ATAD5: variants seen among roughly 807,000 people sequenced by gnomAD.
The protein encoded by ATAD5 is ATPase family AAA domain containing 5, also known as ATPase family AAA domain-containing protein 5.
Under a neutral mutation model 176.9 loss-of-function variants are expected in ATAD5, and 58 were observed. That is an observed-to-expected ratio of 0.33 (90% CI 0.27 to 0.41). ATAD5 has a LOEUF of 0.41. Ranked by LOEUF, ATAD5 falls within the 10% of genes least tolerant of loss-of-function variation. The probability of loss-of-function intolerance (pLI) is 1.00; values close to 1 mark genes in which losing one functional copy is unlikely to be tolerated. For missense variants in ATAD5, 1,789 were observed against 2,094.1 expected (o/e 0.85, Z 2.84); for synonymous variants, 640 against 712.6 (o/e 0.90, Z 1.62).
At chr17:30,846,964 C>G (rs976792856) in intron 6 of ATAD5, among the ~76,000 whole-genome samples, 4 of 152,084 alleles carry the variant, frequency 2.6e-5, no homozygotes, top group Admixed American at 2.6e-4. Context: ...GGTGATCTGG[C>G]CCCCTCAGCC....
At chr17:30,889,477 GTA>G (rs200413318) in intron 19 of ATAD5, among the ~76,000 whole-genome samples, 4,832 of 150,126 alleles carry the variant, frequency 0.032, 276 homozygotes, top group African/African-American at 0.11. Context: ...TTCTATATGA[GTA>G]TATATATATA....
At position 30,834,834 on chromosome 17, in the gene ATAD5, C is replaced by A; in HGVS notation, c.753C>A (p.Asn251Lys). ...CAAGCCATGCAAACTCTAGAGATAACGTAACTGAAGCAGCCCAGTTAAATG... is the reference window on the plus strand; with the variant it reads ...CAAGCCATGCAAACTCTAGAGATAAAGTAACTGAAGCAGCCCAGTTAAATG... ...NTTSHANSRDNVTEAAQLNDS... is the reference protein window; with the variant it reads ...NTTSHANSRDKVTEAAQLNDS... Residue 251 changes from asparagine to lysine, a missense_variant, in exon 2 of 23, where the codon AAC becomes AAA. Asn to Lys is a moderately conservative substitution (Grantham distance 94). Around this residue, in one of 6 missense-constraint regions of ATAD5, gnomAD observed 696 missense variants for 712.5 expected, o/e 0.98. Transcript: ENST00000321990. 6.2e-7 allele frequency: 1 copy of A among 1,613,516 alleles called. No individual in the cohort carries two copies. The highest frequency in any genetic ancestry group is 8.5e-7 in the Non-Finnish European group (1 of 1,179,756).
At chr17:30,879,401 T>TTGTG (rs529546366) in intron 17 of ATAD5, 22 bp from the exon 18 acceptor site, 12 of 1,352,250 alleles carry the variant, frequency 8.9e-6, no homozygotes, top group Admixed American at 2.1e-5. Flanking sequence ...TTTTTTTTTT[T>TTGTG]TGTGTGTGTG....
intron 18 of ATAD5, 79 bp from the exon 19 acceptor site, chr17:30,887,113 T>C (rs1909365605): frequency 7.8e-7 from 1 of 1,284,784 alleles, no homozygotes; most frequent in Non-Finnish European, 1.0e-6. Flanking sequence ...TTGTCTCACT[T>C]TTAGATACTA....
chr17:30,840,487 G>A, intron 3 of ATAD5, 130 bp from the exon 4 acceptor site: 1 of 618,034 alleles, frequency 1.6e-6, no homozygotes, highest in Non-Finnish European at 2.5e-6. Flanking sequence ...TCAATTTAAG[G>A]CCCCTGGTAA....
rs539645084 is a variant in ATAD5 at position 30,838,441 on chromosome 17, T to A, written c.2076+1127T>A. Among the ~76,000 whole-genome samples the A allele has an allele frequency of 1.2e-4, 18 of 152,330 alleles. 1 individual carries two copies. The South Asian group carries it at 3.7e-3, about 32-fold the overall frequency. On this transcript the variant is annotated intron_variant, in intron 3 of 22. Coordinates refer to ENST00000321990, the MANE Select transcript of ATAD5 (RefSeq NM_024857.5). ...CATCATTAATCTCATAAAGTAAATATTATTTAACCCTTTTTTATAGATGAA... is the reference window on the plus strand; with the variant it reads ...CATCATTAATCTCATAAAGTAAATAATATTTAACCCTTTTTTATAGATGAA...
At chr17:30,850,818 TA>T (rs1213406214) in intron 6 of ATAD5, among the ~76,000 whole-genome samples, 7 of 76,248 alleles carry the variant, frequency 9.2e-5, no homozygotes, top group African/African-American at 5.0e-4. Context: ...AATTATTATT[TA>T]TATTTATATA....
intron 21 of ATAD5, 37 bp downstream of exon 21, chr17:30,894,187 A>T: frequency 6.9e-7 from 1 of 1,457,576 alleles, no homozygotes; most frequent in Non-Finnish European, 9.1e-7. Context: ...TTTTTTGGTA[A>T]TAAATCGTAA....
intron 19 of ATAD5, among the ~76,000 whole-genome samples, chr17:30,890,041 C>T (rs1909544968): frequency 6.6e-6 from 1 of 151,754 alleles, no homozygotes; most frequent in African/African-American, 2.4e-5. Flanking sequence ...CAGGCGTGCA[C>T]CACCACAGCT....
chr17:30,854,518 C>T (rs1012559245), intron 6 of ATAD5, among the ~76,000 whole-genome samples: 1 of 150,682 alleles, frequency 6.6e-6, no homozygotes, highest in Non-Finnish European at 1.5e-5. Context: ...ATTACAGGCA[C>T]CCGCCACCAT....
chr17:30,846,984 G>A (rs981337170), intron 6 of ATAD5, among the ~76,000 whole-genome samples: 1 of 152,068 alleles, frequency 6.6e-6, no homozygotes, highest in African/African-American at 2.4e-5. Flanking sequence ...CTCCCATAGT[G>A]CTGGGATTAC....
intron 17 of ATAD5, among the ~76,000 whole-genome samples, chr17:30,878,327 C>A (rs759669626): frequency 7.9e-5 from 12 of 152,030 alleles, no homozygotes; most frequent in Admixed American, 1.3e-4. Flanking sequence ...GATTCTTCTC[C>A]TGGTGTCCTT....
chr17:30,866,886 TA>T (rs1184503976), intron 11 of ATAD5, among the ~76,000 whole-genome samples: 2 of 152,016 alleles, frequency 1.3e-5, no homozygotes, highest in Non-Finnish European at 2.9e-5. Flanking sequence ...CCATTAGGGG[TA>T]TTATGTAATA....
In ATAD5 at chr17:30,893,478, A is replaced by G. The variant is rs201994597; in HGVS notation, c.4625A>G (p.Lys1542Arg). 1 of 1,613,432 alleles carries G rather than the reference A, an allele frequency of 6.2e-7. No individual in the cohort carries two copies. Among genetic ancestry groups the G allele is most frequent in the African/African-American group, 1.3e-5 (1 of 74,908 alleles). The change falls in exon 21 of 23, where the codon AAA becomes AGA. Residue 1542 changes from lysine (K) to arginine (R), a missense_variant. Coordinates refer to ENST00000321990, the MANE Select transcript of ATAD5 (RefSeq NM_024857.5). ...ACTGTGGATGCCAGTGCAGCAACAAAAAGTATGAATTGTCTTGCTAGGAAA... is the reference window on the plus strand; with the variant it reads ...ACTGTGGATGCCAGTGCAGCAACAAGAAGTATGAATTGTCTTGCTAGGAAA... ...SVTVDASAAT[K>R]SMNCLARKHS...
rs747917492 is a variant in ATAD5 at position 30,834,780 on chromosome 17, T to C, written c.699T>C (p.Gly233=). Residue 233 remains glycine (G), a synonymous_variant, in exon 2 of 23, where the codon GGT becomes GGC. Transcript: ENST00000321990. ...AACTAAATTTGCTTAAAAAAGATGG[T>C]AAAGATACTAAACAGATGGAGAATA... ...AEELNLLKKD[G]KDTKQMENTT... is the part of the protein sequence containing the mutation. 3.1e-6 allele frequency: 5 copies of C among 1,614,026 alleles called. No homozygotes were observed. Among genetic ancestry groups the C allele is most frequent in the Non-Finnish European group, 3.4e-6 (4 of 1,179,952 alleles).
rs1028729662 is a variant in ATAD5, at chr17:30,857,015, T to G, written c.2696T>G (p.Leu899Arg). 1.9e-6 allele frequency: 3 copies of G among 1,608,938 alleles called. No homozygotes were observed. The highest frequency in any genetic ancestry group is 1.7e-5 in the Admixed American group (1 of 58,186). Residue 899 changes from leucine (L) to arginine (R), a missense_variant, in exon 8 of 23, where the codon CTG (leucine) becomes CGG (arginine). Leu to Arg is a moderately radical substitution (Grantham distance 102). This residue lies in a region of ATAD5 where 487 missense variants were observed against 573.6 expected (regional missense o/e 0.85). Transcript: ENST00000321990. ...CCTCTCTTAACTAAATTTAAAGAACTGAACACTAAAGTAATAGATCTCTCA... is the reference window on the plus strand; with the variant it reads ...CCTCTCTTAACTAAATTTAAAGAACGGAACACTAAAGTAATAGATCTCTCA... ...SCPLLTKFKE[L>R]NTKVIDLSKC...
At chr17:30,888,776 A>AC (rs1160465188) in intron 19 of ATAD5, among the ~76,000 whole-genome samples, 4 of 152,212 alleles carry the variant, frequency 2.6e-5, no homozygotes, top group Admixed American at 1.3e-4. Flanking sequence ...ATTTTAAAAA[A>AC]ACACACACAG....
chr17:30,859,077 C>T (rs780317769), intron 9 of ATAD5, among the ~76,000 whole-genome samples: 2 of 152,188 alleles, frequency 1.3e-5, no homozygotes, highest in African/African-American at 2.4e-5. Context: ...TAACCAATGA[C>T]ACTTGGAAGT....
At chr17:30,891,369 T>C (rs1280072221) in intron 19 of ATAD5, among the ~76,000 whole-genome samples, 1 of 152,182 alleles carries the variant, frequency 6.6e-6, no homozygotes, top group African/African-American at 2.4e-5. Flanking sequence ...TATTAGGTCT[T>C]TGAAATTATT....
Sources: allele counts gnomAD v4.1 joint callset (sites outside exome capture counted in the v4.1 genomes callset), GRCh38; gene constraint gnomAD v4.1.1; regional missense constraint gnomAD v4.1.1; transcripts MANE v1.5; gene names NCBI Gene and HGNC (gene_info 2026-07-23, HGNC 2026-07-21).